The following DAG1 variants were observed in gnomAD, a reference collection of about 807,000 sequenced individuals.
DAG1 encodes dystroglycan 1 (dystrophin-associated glycoprotein 1).
In DAG1, 8 loss-of-function variants were observed where a neutral mutation model predicts 46.1. The observed-to-expected ratio is 0.17, with a 90% CI of 0.10 to 0.31. DAG1 has a LOEUF of 0.31. Among genes scored for constraint, DAG1 ranks in the 10% least tolerant of loss-of-function variants. The pLI, the probability that DAG1 is intolerant of heterozygous loss-of-function variation, is 1.00. For synonymous variants in DAG1, 495 were observed against 481.8 expected, an observed-to-expected ratio of 1.03 and a Z score of -0.36; for missense variants, 1,003 against 1,189.9, an observed-to-expected ratio of 0.84 and a Z score of 2.31.
Position 49,485,320 on chromosome 3 carries a change from C to T in DAG1, c.-117+14887C>T, listed in dbSNP as rs377212039. 5.3e-5 allele frequency among the ~76,000 whole-genome samples: 8 copies of T among 152,196 alleles called. No homozygotes were observed. In the East Asian group the frequency reaches 9.7e-4, roughly 18 times the overall value. The stretch of plus-strand genomic sequence containing the variant: ...TCGCCCAGGCTGGAGTGCAGTGGTG[C>T]GATCTTGGCTCACTGCAACCTTTTG... On this transcript the variant is annotated intron_variant, in intron 1 of 2. Transcript: ENST00000308775.
chr3:49,512,916 G>A (rs556691800), intron 2 of DAG1, among the ~76,000 whole-genome samples: 2 of 152,054 alleles, frequency 1.3e-5, no homozygotes, highest in Non-Finnish European at 2.9e-5. Context: ...TTCTCTAGAG[G>A]TGTGGCCTAC....
At chr3:49,526,144 C>T (rs1223283308) in intron 2 of DAG1, among the ~76,000 whole-genome samples, 1 of 152,236 alleles carries the variant, frequency 6.6e-6, no homozygotes, top group Non-Finnish European at 1.5e-5. Flanking sequence ...AGCCTCTGCT[C>T]CCGGCCTACA....
Position 49,533,988 on chromosome 3 carries a change from C to T in DAG1, c.*789C>T, listed in dbSNP as rs1330971034. ...AGGGGTCTCTTGGGCCATGGACATC[C>T]CCACTTCCAGCCCATGTACACTAGT... On this transcript the variant is annotated 3_prime_UTR_variant, in exon 3 of 3. Coordinates refer to ENST00000308775, the MANE Select transcript of DAG1 (RefSeq NM_004393.6). 3 of 155,432 alleles carry T rather than the reference C, an allele frequency of 1.9e-5. No individual in the cohort carries two copies. The highest frequency in any genetic ancestry group is 2.9e-5 in the Non-Finnish European group (2 of 70,078). The allele number at this position is 155,432 out of a possible 1,614,324, so 9.6% of individuals were successfully genotyped here.
At chr3:49,480,522 T>G (rs537396182) in intron 1 of DAG1, among the ~76,000 whole-genome samples, 1 of 150,588 alleles carries the variant, frequency 6.6e-6, no homozygotes, top group Non-Finnish European at 1.5e-5. Flanking sequence ...CTCGATCTCC[T>G]GACCTCGTGA....
intron 1 of DAG1, among the ~76,000 whole-genome samples, chr3:49,483,746 C>T (rs1467240160): frequency 2.0e-5 from 3 of 152,178 alleles, no homozygotes; most frequent in Non-Finnish European, 4.4e-5. Context: ...ATAATCATAG[C>T]TCACTTCAGT....
At position 49,535,316 on chromosome 3, in the gene DAG1, A is replaced by G. The variant is rs1022304365; in HGVS notation, c.*2117A>G. The G allele has an allele frequency of 1.3e-5, 2 of 152,648 alleles. No homozygotes were observed. Among genetic ancestry groups the G allele is most frequent in the African/African-American group, 4.8e-5 (2 of 41,466 alleles). 9.5% of individuals were successfully genotyped at this position (152,648 alleles called of 1,614,324 possible). On this transcript the variant is annotated 3_prime_UTR_variant, in exon 3 of 3. Transcript: ENST00000308775. ...CTCCGTCGCCCCTAGCAACTCCACC[A>G]TTGGGCACTGCCATGCAGAGACGTG... is the stretch of plus-strand genomic sequence containing the variant.
In DAG1 at chr3:49,531,802, A is replaced by G. The variant is rs1300205315; in HGVS notation, c.1291A>G (p.Thr431Ala). 1 of 1,613,720 alleles carries G rather than the reference A, an allele frequency of 6.2e-7. No homozygotes were observed. The highest frequency in any genetic ancestry group is 8.5e-7 in the Non-Finnish European group (1 of 1,179,908). ...TTTTKKPRVS[T>A]PKPATPSTDS... ...CACCACCAAGAAGCCACGAGTATCC[A>G]CACCAAAACCAGCAACGCCTTCAAC... The change falls in exon 3 of 3, where the codon ACA becomes GCA. Residue 431 changes from threonine to alanine, a missense_variant. Coordinates refer to ENST00000308775, the MANE Select transcript of DAG1 (RefSeq NM_004393.6). This position sits in a 1 kb window ranked among gnomAD's most constrained non-coding sequence, Gnocchi z 7.0.
chr3:49,523,365 A>G (rs1386762771), intron 2 of DAG1, among the ~76,000 whole-genome samples: 1 of 152,142 alleles, frequency 6.6e-6, no homozygotes, highest in Non-Finnish European at 1.5e-5. Flanking sequence ...GGTGTGAGCC[A>G]CTGTGCCTGG....
chr3:49,492,044 A>T (rs1207295631), intron 1 of DAG1, among the ~76,000 whole-genome samples: 1 of 151,522 alleles, frequency 6.6e-6, no homozygotes. Context: ...CTTCTGCCTC[A>T]GCCTCCTGAA....
intron 1 of DAG1, among the ~76,000 whole-genome samples, chr3:49,504,386 T>G (rs550308027): frequency 6.6e-6 from 1 of 152,236 alleles, no homozygotes; most frequent in East Asian, 1.9e-4. Context: ...CATAGTTTGT[T>G]TAATCATTCA....
Position 49,533,064 on chromosome 3 carries a change from G to A in DAG1, c.2553G>A (p.Thr851=), listed in dbSNP as rs746978083. ...PLNQDTMGEY[T]PLRDEDPNAP... Reference sequence around the variant, plus strand: ...ACCAGGACACCATGGGAGAGTACACGCCCCTGCGGGATGAGGATCCCAATG... The same window carrying A: ...ACCAGGACACCATGGGAGAGTACACACCCCTGCGGGATGAGGATCCCAATG... Residue 851 remains threonine, a synonymous_variant, in exon 3 of 3, where the codon ACG becomes ACA. Coordinates refer to ENST00000308775, the MANE Select transcript of DAG1 (RefSeq NM_004393.6). 14 of 1,614,022 alleles carry A rather than the reference G, an allele frequency of 8.7e-6. No homozygotes were observed. The highest frequency in any genetic ancestry group is 4.5e-5 in the East Asian group (2 of 44,890).
At chr3:49,526,924 G>A (rs1285910467) in intron 2 of DAG1, among the ~76,000 whole-genome samples, 1 of 152,180 alleles carries the variant, frequency 6.6e-6, no homozygotes, top group Non-Finnish European at 1.5e-5. Flanking sequence ...GTTAAAATAA[G>A]TGTATGGCTT....
Position 49,510,833 on chromosome 3 carries a change from T to G in DAG1, c.285+14T>G. ...GATATCATCAAGGTGAGACTGGATATAAAGCATAAATGAGGAAGAGTTCTC... is the reference window on the plus strand; with the variant it reads ...GATATCATCAAGGTGAGACTGGATAGAAAGCATAAATGAGGAAGAGTTCTC... On this transcript the variant is annotated intron_variant, in intron 2 of 2. Transcript: ENST00000308775. The G allele has an allele frequency of 6.2e-7, 1 of 1,613,964 alleles. No individual in the cohort carries two copies. Among genetic ancestry groups the G allele is most frequent in the South Asian group, 1.1e-5 (1 of 91,000 alleles).
intron 2 of DAG1, among the ~76,000 whole-genome samples, chr3:49,526,719 AAAAT>A (rs927782937): frequency 7.2e-5 from 11 of 152,174 alleles, no homozygotes; most frequent in Non-Finnish European, 1.3e-4. Context: ...TCTGTCTCAA[AAAAT>A]AAATAAATAA....
intron 1 of DAG1, chr3:49,493,036 C>CTTTTTTTTTTTTTTTTTTTTT (rs55708660): frequency 1.2e-5 from 1 of 86,380 alleles, no homozygotes. Flanking sequence ...TATTTTTATT[C>CTTTTTTTTTTTTTTTTTTTTT]TTTTTTTTTT....
intron 1 of DAG1, among the ~76,000 whole-genome samples, chr3:49,472,983 T>G (rs1255332400): frequency 6.7e-6 from 1 of 150,274 alleles, no homozygotes; most frequent in Admixed American, 6.7e-5. Flanking sequence ...TAGCCAGGCA[T>G]GGTGGCGGGC....
intron 1 of DAG1, among the ~76,000 whole-genome samples, chr3:49,502,578 C>T (rs1038141726): frequency 1.3e-5 from 2 of 151,708 alleles, no homozygotes; most frequent in Non-Finnish European, 2.9e-5. Flanking sequence ...ACTTATCTCA[C>T]ATTGATGACA....
upstream of DAG1, chr3:49,470,000 T>C (rs1418640284): frequency 1.3e-5 from 2 of 151,878 alleles, no homozygotes; most frequent in African/African-American, 4.8e-5. Context: ...CGGACTTCCC[T>C]GGCCGTGGGG....
Position 49,531,652 on chromosome 3 carries a change from A to T in DAG1, c.1141A>T (p.Thr381Ser). The change falls in exon 3 of 3, where the codon ACC (threonine) becomes TCC (serine). Residue 381 changes from threonine to serine, a missense_variant. Around this residue, in one of 3 missense-constraint regions of DAG1, gnomAD observed 755 missense variants for 854.1 expected, o/e 0.88. Transcript: ENST00000308775. The surrounding 1 kb of genome is among the most constrained non-coding windows in gnomAD (Gnocchi z 7.0). ...TCGAGGCGCCATTATTCAAACCCCA[A>T]CCCTAGGCCCCATCCAGCCTACTCG... ...RTRGAIIQTPTLGPIQPTRVS... is the reference protein window; with the variant it reads ...RTRGAIIQTPSLGPIQPTRVS... 1.2e-6 allele frequency: 2 copies of T among 1,612,162 alleles called. No homozygotes were observed. Among genetic ancestry groups the T allele is most frequent in the Non-Finnish European group, 1.7e-6 (2 of 1,178,754 alleles).
Sources: gnomAD v4.1 joint callset for allele counts (sites outside exome capture counted in the v4.1 genomes callset) on GRCh38, gnomAD v4.1.1 for gene constraint, gnomAD v4.1.1 regional missense constraint, Gnocchi (gnomAD v3.1) non-coding constraint, MANE v1.5 for transcripts, NCBI Gene and HGNC (gene_info 2026-07-23, HGNC 2026-07-21) for gene names.